B3GALT1: variants seen among roughly 807,000 people sequenced by gnomAD.
B3GALT1 encodes the protein UDP-Gal:betaGlcNAc beta 1,3-galactosyltransferase, polypeptide 1.
Under a neutral mutation model 23.2 loss-of-function variants are expected in B3GALT1, and 10 were observed. The observed-to-expected ratio is 0.43, with a 90% CI of 0.27 to 0.73. The LOEUF is 0.73. B3GALT1 is among the 30% of genes least tolerant of loss of function. The pLI, the probability that B3GALT1 is intolerant of heterozygous loss-of-function variation, is 0.21. For missense variants in B3GALT1, 299 were observed against 405.4 expected, an observed-to-expected ratio of 0.74 and a Z score of 2.25; for synonymous variants, 156 against 141.5, an observed-to-expected ratio of 1.10 and a Z score of -0.73.
Position 167,627,439 on chromosome 2 carries a change from G to T in B3GALT1, c.-409-19470G>T, listed in dbSNP as rs1433113463. 2.0e-5 allele frequency among the ~76,000 whole-genome samples: 3 copies of T among 151,614 alleles called. No individual in the cohort carries two copies. In the East Asian group the frequency reaches 5.8e-4, roughly 29 times the overall value. ...AATCATGCAATATATAACTTTTTGA[G>T]TCTGGCATATTTCTTCTAGCATTAT... On this transcript the variant is annotated intron_variant, in intron 2 of 4. Transcript: ENST00000392690.
At chr2:167,691,735 G>T (rs562934679) in intron 3 of B3GALT1, among the ~76,000 whole-genome samples, 1 of 152,242 alleles carries the variant, frequency 6.6e-6, no homozygotes, top group African/African-American at 2.4e-5. Flanking sequence ...TAAAAAATGA[G>T]ATGAATGTGT....
At chr2:167,298,352 C>A (rs1406219198) in intron 1 of B3GALT1, among the ~76,000 whole-genome samples, 1 of 152,030 alleles carries the variant, frequency 6.6e-6, no homozygotes, top group African/African-American at 2.4e-5. Flanking sequence ...TTAAACAGTT[C>A]TACATTTTGT....
chr2:167,372,690 G>A lies in B3GALT1; in HGVS notation c.-511+79356G>A, dbSNP rs533959171. 2.0e-5 allele frequency among the ~76,000 whole-genome samples: 3 copies of A among 152,004 alleles called. No individual in the cohort carries two copies. The South Asian group carries it at 6.2e-4, about 31-fold the overall frequency. On this transcript the variant is annotated intron_variant, in intron 1 of 4. Coordinates refer to ENST00000392690, the MANE Select transcript of B3GALT1 (RefSeq NM_020981.4). ...TCAGTTATGATTATTGATGCCAAAAGCAAAGTTACAAAATGAAATTTGAAG... is the reference window on the plus strand; with the variant it reads ...TCAGTTATGATTATTGATGCCAAAAACAAAGTTACAAAATGAAATTTGAAG...
At chr2:167,439,497 A>G (rs1330315956) in intron 1 of B3GALT1, among the ~76,000 whole-genome samples, 1 of 152,128 alleles carries the variant, frequency 6.6e-6, no homozygotes, top group Non-Finnish European at 1.5e-5. Flanking sequence ...TTAAAATTAT[A>G]GAAATGTTAT....
intron 1 of B3GALT1, among the ~76,000 whole-genome samples, chr2:167,484,492 T>C (rs1357992157): frequency 6.6e-6 from 1 of 152,146 alleles, no homozygotes; most frequent in Non-Finnish European, 1.5e-5. Context: ...TTATACATTG[T>C]TTGAATCCAT....
At chr2:167,307,472 A>C (rs1400970569) in intron 1 of B3GALT1, among the ~76,000 whole-genome samples, 1 of 152,004 alleles carries the variant, frequency 6.6e-6, no homozygotes, top group Non-Finnish European at 1.5e-5. Flanking sequence ...TTTTCCTGTC[A>C]AGTGAAATGA....
At chr2:167,523,631 G>A (rs2105363253) in intron 2 of B3GALT1, among the ~76,000 whole-genome samples, 1 of 152,144 alleles carries the variant, frequency 6.6e-6, no homozygotes, top group Non-Finnish European at 1.5e-5. Flanking sequence ...CACCACCTTG[G>A]CGAGGCTGGT....
intron 2 of B3GALT1, among the ~76,000 whole-genome samples, chr2:167,568,249 C>T (rs796121594): frequency 4.6e-5 from 7 of 152,104 alleles, no homozygotes; most frequent in African/African-American, 1.7e-4. Context: ...CATAATTGCT[C>T]GTAGATACCT....
intron 1 of B3GALT1, among the ~76,000 whole-genome samples, chr2:167,304,097 CT>C (rs1188326248): frequency 1.3e-5 from 2 of 152,158 alleles, no homozygotes; most frequent in Non-Finnish European, 2.9e-5. Context: ...AGTAGATACT[CT>C]GAAAGGCTGG....
chr2:167,510,556 T>C (rs1699990492), intron 2 of B3GALT1, among the ~76,000 whole-genome samples: 3 of 152,162 alleles, frequency 2.0e-5, no homozygotes, highest in African/African-American at 7.2e-5. Context: ...CAGAGGAATC[T>C]AACTGGGTTA....
At chr2:167,477,180 G>A (rs140992336) in intron 1 of B3GALT1, among the ~76,000 whole-genome samples, 4 of 152,312 alleles carry the variant, frequency 2.6e-5, no homozygotes, top group East Asian at 1.9e-4. Flanking sequence ...ATCTTTGTGC[G>A]TGGGAAGGAG....
chr2:167,452,601 A>C (rs1699107610), intron 1 of B3GALT1, among the ~76,000 whole-genome samples: 1 of 152,238 alleles, frequency 6.6e-6, no homozygotes, highest in African/African-American at 2.4e-5. Context: ...GAGTCTGTGG[A>C]TTCTCTCAGC....
At chr2:167,864,422 G>A (rs1183099982) in intron 4 of B3GALT1, among the ~76,000 whole-genome samples, 1 of 152,114 alleles carries the variant, frequency 6.6e-6, no homozygotes, top group East Asian at 1.9e-4. Flanking sequence ...AAATTAGCCA[G>A]GCATGGTGGC....
chr2:167,293,888 G>A (rs569209583), intron 1 of B3GALT1, among the ~76,000 whole-genome samples: 19 of 140,246 alleles, frequency 1.4e-4, no homozygotes, highest in African/African-American at 4.7e-4. Context: ...AGAGGGAAAA[G>A]TAACTGTTGG....
intron 1 of B3GALT1, among the ~76,000 whole-genome samples, chr2:167,402,445 C>G (rs1698207629): frequency 6.6e-6 from 1 of 152,092 alleles, no homozygotes; most frequent in Non-Finnish European, 1.5e-5. Context: ...AAACTACTCT[C>G]TGATAGAATA....
intron 1 of B3GALT1, among the ~76,000 whole-genome samples, chr2:167,358,171 C>T (rs1303571585): frequency 6.6e-6 from 1 of 152,124 alleles, no homozygotes; most frequent in African/African-American, 2.4e-5. Flanking sequence ...GAAATGGAGT[C>T]GGAGCCAATT....
chr2:167,439,171 A>G (rs1412775441), intron 1 of B3GALT1, among the ~76,000 whole-genome samples: 1 of 152,198 alleles, frequency 6.6e-6, no homozygotes, highest in Admixed American at 6.5e-5. Flanking sequence ...ATTCTTTGAT[A>G]CCTGACATAG....
At chr2:167,667,958 A>G (rs1005260152) in intron 3 of B3GALT1, among the ~76,000 whole-genome samples, 1 of 152,186 alleles carries the variant, frequency 6.6e-6, no homozygotes, top group Non-Finnish European at 1.5e-5. Flanking sequence ...TGTCAAAGTC[A>G]TTCTCCGTCC....
At chr2:167,481,051 C>T (rs189500437) in intron 1 of B3GALT1, among the ~76,000 whole-genome samples, 42 of 152,156 alleles carry the variant, frequency 2.8e-4, no homozygotes, top group Admixed American at 1.6e-3. Context: ...TTTTTCTCTC[C>T]AGCAGCTGGT....
Sources: allele counts gnomAD v4.1 joint callset (sites outside exome capture counted in the v4.1 genomes callset), GRCh38; gene constraint gnomAD v4.1.1; transcripts MANE v1.5; gene names NCBI Gene and HGNC (gene_info 2026-07-23, HGNC 2026-07-21).